PLIN3: variants seen among roughly 807,000 people sequenced by gnomAD.
The protein encoded by PLIN3 is perilipin 3.
In PLIN3, 30 loss-of-function variants were observed where a neutral mutation model predicts 35.9. The observed-to-expected ratio is 0.84, with a 90% CI of 0.62 to 1.13. The LOEUF is 1.13. PLIN3 is among the 50% of genes most tolerant of loss of function. PLIN3 has a pLI of 0.00. For missense variants in PLIN3, 603 were observed against 596.9 expected, an observed-to-expected ratio of 1.01 and a Z score of -0.11; for synonymous variants, 261 against 262.5, an observed-to-expected ratio of 0.99 and a Z score of 0.06.
At chr19:4,849,338 C>T (rs1336967406) in intron 5 of PLIN3, among the ~76,000 whole-genome samples, 1 of 152,022 alleles carries the variant, frequency 6.6e-6, no homozygotes, top group African/African-American at 2.4e-5. Context: ...AGTACAGTCT[C>T]GCTCTGTTGC....
At chr19:4,862,368 G>A (rs941572796) in intron 1 of PLIN3, among the ~76,000 whole-genome samples, 3 of 151,792 alleles carry the variant, frequency 2.0e-5, no homozygotes, top group Non-Finnish European at 2.9e-5. Context: ...TCCTGACCTC[G>A]TGATCCGCCC....
At chr19:4,845,200 T>C (rs1416808271) in intron 6 of PLIN3, among the ~76,000 whole-genome samples, 1 of 151,940 alleles carries the variant, frequency 6.6e-6, no homozygotes, top group African/African-American at 2.4e-5. Context: ...TTGAGGTGGG[T>C]GGATCACCTG....
chr19:4,849,030 C>A (rs1203298899), intron 5 of PLIN3, among the ~76,000 whole-genome samples: 2 of 150,186 alleles, frequency 1.3e-5, no homozygotes, highest in Non-Finnish European at 3.0e-5. Flanking sequence ...AGTGGCACGA[C>A]CTCAGCTTAC....
intron 4 of PLIN3, among the ~76,000 whole-genome samples, chr19:4,858,750 A>G (rs1384177910): frequency 5.0e-5 from 6 of 119,512 alleles, no homozygotes; most frequent in African/African-American, 1.9e-4. Flanking sequence ...TGCCCAGGCT[A>G]GAGTGCAATG....
chr19:4,854,649 T>C (rs1361771116), intron 4 of PLIN3, among the ~76,000 whole-genome samples: 1 of 152,048 alleles, frequency 6.6e-6, no homozygotes. Context: ...AGTCAGGTTC[T>C]AACAGCCCCA....
chr19:4,850,278 C>T (rs1599164669), intron 5 of PLIN3, among the ~76,000 whole-genome samples: 2 of 150,210 alleles, frequency 1.3e-5, no homozygotes, highest in East Asian at 4.0e-4. Flanking sequence ...CTACTGTACC[C>T]ATGCTTTTTT....
chr19:4,851,891 T>C (rs1183187746), intron 5 of PLIN3, 125 bp downstream of exon 5: 7 of 999,066 alleles, frequency 7.0e-6, no homozygotes, highest in Non-Finnish European at 1.0e-5. Context: ...GATTCCAAGA[T>C]GCCCGGGAGA....
chr19:4,852,852 T>C (rs1024249570), intron 4 of PLIN3, among the ~76,000 whole-genome samples: 3 of 152,082 alleles, frequency 2.0e-5, no homozygotes, highest in African/African-American at 7.2e-5. Context: ...TTCACTCTCG[T>C]TGCCCAGGCT....
Position 4,844,777 on chromosome 19 carries a change from T to C in PLIN3, c.851A>G (p.Gln284Arg). Residue 284 changes from glutamine to arginine, a missense_variant, in exon 7 of 8, where the codon CAA becomes CGA. Transcript: ENST00000221957. ...QVLSLMETVK[Q>R]GVDQKLVEGQ... is the part of the protein sequence containing the mutation. ...TTCCACCAGCTTCTGATCAACGCCT[T>C]GCTTGACAGTTTCCATCTGGGGCAG... 1 of 1,600,456 alleles carries C rather than the reference T, an allele frequency of 6.2e-7. No individual in the cohort carries two copies. Among genetic ancestry groups the C allele is most frequent in the Non-Finnish European group, 8.5e-7 (1 of 1,173,764 alleles).
chr19:4,846,993 G>A (rs1252665521), intron 6 of PLIN3, among the ~76,000 whole-genome samples: 1 of 151,170 alleles, frequency 6.6e-6, no homozygotes, highest in Non-Finnish European at 1.5e-5. Flanking sequence ...GGGTTCAAGC[G>A]ATTCTCCTGC....
chr19:4,867,447 G>A (rs1343281741), intron 1 of PLIN3, among the ~76,000 whole-genome samples, 162 bp downstream of exon 1: 2 of 152,086 alleles, frequency 1.3e-5, no homozygotes, highest in African/African-American at 4.8e-5. Context: ...ATTTTTCTGG[G>A]GGGAGGGGTG....
At chr19:4,845,527 TG>T (rs1263036315) in intron 6 of PLIN3, among the ~76,000 whole-genome samples, 1 of 152,134 alleles carries the variant, frequency 6.6e-6, no homozygotes, top group Non-Finnish European at 1.5e-5. Context: ...CCCAGCGCTT[TG>T]GGAGGCCAAG....
In PLIN3 at chr19:4,838,959, T is replaced by C. The variant is rs2093624426; in HGVS notation, c.*233A>G. ...GAAAGATATTTTTTCTGGACATCTC[T>C]CTCTACTGACTGATAGGGTGAGGCT... On this transcript the variant is annotated 3_prime_UTR_variant, in exon 8 of 8. Coordinates refer to ENST00000221957, the MANE Select transcript of PLIN3 (RefSeq NM_005817.5). 2.5e-6 allele frequency: 1 copy of C among 401,086 alleles called. No individual in the cohort carries two copies. The highest frequency in any genetic ancestry group is 4.4e-6 in the Non-Finnish European group (1 of 225,364). The allele number at this position is 401,086 out of a possible 1,614,324, so 24.8% of individuals were successfully genotyped here.
intron 6 of PLIN3, among the ~76,000 whole-genome samples, chr19:4,847,180 A>T (rs1485638172): frequency 7.6e-6 from 1 of 132,150 alleles, no homozygotes; most frequent in African/African-American, 2.9e-5. Context: ...GAGCCACCGC[A>T]CCTGGCCACG....
chr19:4,838,964 A>G lies in PLIN3; in HGVS notation c.*228T>C. On this transcript the variant is annotated 3_prime_UTR_variant, in exon 8 of 8. Coordinates refer to ENST00000221957, the MANE Select transcript of PLIN3 (RefSeq NM_005817.5). ...ATATTTTTTCTGGACATCTCTCTCT[A>G]CTGACTGATAGGGTGAGGCTCAGAA... 2.4e-6 allele frequency: 1 copy of G among 418,006 alleles called. No homozygotes were observed. The highest frequency in any genetic ancestry group is 4.3e-6 in the Non-Finnish European group (1 of 234,752). 25.9% of individuals were successfully genotyped at this position (418,006 alleles called of 1,614,324 possible).
chr19:4,866,160 G>C (rs1447440241), intron 1 of PLIN3, among the ~76,000 whole-genome samples: 1 of 151,936 alleles, frequency 6.6e-6, no homozygotes, highest in Non-Finnish European at 1.5e-5. Context: ...TGGGAATACA[G>C]GTGCCCGCCA....
chr19:4,857,963 C>G (rs1307412868), intron 4 of PLIN3, among the ~76,000 whole-genome samples: 1 of 138,944 alleles, frequency 7.2e-6, no homozygotes, highest in South Asian at 2.3e-4. Flanking sequence ...GCAACAAGAG[C>G]GAAACTCCAT....
At chr19:4,854,728 C>A (rs34914384) in intron 4 of PLIN3, among the ~76,000 whole-genome samples, 30,415 of 151,874 alleles carry the variant, frequency 0.2, 3,297 homozygotes, top group South Asian at 0.36. Context: ...CACCACCGTC[C>A]CCCAGAACCT....
chr19:4,839,384 G>C lies in PLIN3; in HGVS notation c.1113C>G (p.Ala371=). ...GGAAGGAGTGGATGCTGGAAAACGT[G>C]GCCTGGAGGTCCTCCACCTGGCGGC... ...QARRQVEDLQ[A]TFSSIHSFQD... Residue 371 remains alanine, a synonymous_variant, in exon 8 of 8, where the codon GCC becomes GCG. Coordinates refer to ENST00000221957, the MANE Select transcript of PLIN3 (RefSeq NM_005817.5). 1 of 1,612,512 alleles carries C rather than the reference G, an allele frequency of 6.2e-7. No individual in the cohort carries two copies. Among genetic ancestry groups the C allele is most frequent in the Non-Finnish European group, 8.5e-7 (1 of 1,178,774 alleles).
Sources: gnomAD v4.1 joint callset for allele counts (sites outside exome capture counted in the v4.1 genomes callset) on GRCh38, gnomAD v4.1.1 for gene constraint, MANE v1.5 for transcripts, NCBI Gene and HGNC (gene_info 2026-07-23, HGNC 2026-07-21) for gene names.